THSD7A: variants seen among roughly 807,000 people sequenced by gnomAD.
The protein encoded by THSD7A is thrombospondin type 1 domain containing 7A.
A neutral mutation model predicts 231.3 loss-of-function variants in THSD7A; 96 were observed. That is an observed-to-expected ratio of 0.41 (90% CI 0.35 to 0.49). The LOEUF is 0.49. Ranked by LOEUF, THSD7A falls within the 20% of genes least tolerant of loss-of-function variation. THSD7A has a pLI of 0.05. For synonymous variants in THSD7A, 940 were observed against 743.3 expected, an observed-to-expected ratio of 1.26 and a Z score of -4.30; for missense variants, 2,290 against 2,070.2, an observed-to-expected ratio of 1.11 and a Z score of -2.06.
intron 1 of THSD7A, among the ~76,000 whole-genome samples, chr7:11,660,743 G>A (rs1354097705): frequency 2.0e-5 from 3 of 151,366 alleles, no homozygotes; most frequent in African/African-American, 7.3e-5. Flanking sequence ...ATGCAAACTT[G>A]TCATAACCAG....
intron 1 of THSD7A, among the ~76,000 whole-genome samples, chr7:11,751,954 C>T (rs554874042): frequency 6.6e-6 from 1 of 152,118 alleles, no homozygotes; most frequent in Non-Finnish European, 1.5e-5. Flanking sequence ...CAGCTTATAG[C>T]TGCAGCGAAC....
At position 11,744,612 on chromosome 7, in the gene THSD7A, G is replaced by A. The variant is rs1035408506; in HGVS notation, c.190+87145C>T. 2.9e-5 allele frequency among the ~76,000 whole-genome samples: 3 copies of A among 103,192 alleles called. No individual in the cohort carries two copies. The Admixed American group carries it at 4.2e-4, about 15-fold the overall frequency. 67.7% of individuals were successfully genotyped at this position (103,192 alleles called of 152,430 possible). A position where few individuals can be genotyped will look rare whatever the true frequency, so the allele number is the denominator to read the frequency against. ...CCCCCCTCCCCCCACCCCACAACAG[G>A]CCCCAGTGTGTGATGTTCCCATTCC... On this transcript the variant is annotated intron_variant, in intron 1 of 27. Coordinates refer to ENST00000423059, the MANE Select transcript of THSD7A (RefSeq NM_015204.3).
intron 1 of THSD7A, among the ~76,000 whole-genome samples, chr7:11,660,298 A>C (rs917133595): frequency 3.3e-5 from 5 of 151,536 alleles, no homozygotes; most frequent in Non-Finnish European, 7.4e-5. Context: ...AATTAGGTTA[A>C]GTAAGGAATA....
intron 1 of THSD7A, among the ~76,000 whole-genome samples, chr7:11,740,657 C>T (rs542833243): frequency 6.6e-6 from 1 of 151,974 alleles, no homozygotes; most frequent in African/African-American, 2.4e-5. Flanking sequence ...TCAAAAGTCA[C>T]CTTTTGAGAA....
At position 11,831,842 on chromosome 7, in the gene THSD7A, G is replaced by T; in HGVS notation, c.105C>A (p.Leu35=). ...CGCCCGGGCGTAGCAGCAGCAGCAGGAGCAGCGGCAGCGGCAGCGGCAGCG... is the reference window on the plus strand; with the variant it reads ...CGCCCGGGCGTAGCAGCAGCAGCAGTAGCAGCGGCAGCGGCAGCGGCAGCG... ...LLPLPLPLPL[L]LLLLLRPGAG... The change falls in exon 1 of 28, where the codon CTC becomes CTA. Residue 35 remains leucine, a synonymous_variant. Coordinates refer to ENST00000423059, the MANE Select transcript of THSD7A (RefSeq NM_015204.3). The surrounding 1 kb of genome is among the most constrained non-coding windows in gnomAD (Gnocchi z 5.0). 1.5e-6 allele frequency: 2 copies of T among 1,350,102 alleles called. No homozygotes were observed. The highest frequency in any genetic ancestry group is 1.9e-6 in the Non-Finnish European group (2 of 1,039,562). 83.6% of individuals were successfully genotyped at this position (1,350,102 alleles called of 1,614,324 possible). A position where few individuals can be genotyped will look rare whatever the true frequency, so the allele number is the denominator to read the frequency against.
intron 19 of THSD7A, among the ~76,000 whole-genome samples, chr7:11,410,031 C>A (rs993163139): frequency 6.6e-6 from 1 of 152,108 alleles, no homozygotes; most frequent in Non-Finnish European, 1.5e-5. Flanking sequence ...CTTGAGCCAC[C>A]CTACTCGGCT....
intron 4 of THSD7A, among the ~76,000 whole-genome samples, chr7:11,567,921 C>A (rs1158808690): frequency 8.5e-5 from 13 of 152,084 alleles, no homozygotes; most frequent in Non-Finnish European, 1.9e-4. Context: ...AACTATCTCA[C>A]CTAATTTTTT....
At chr7:11,403,612 A>T (rs1783484948) in intron 22 of THSD7A, among the ~76,000 whole-genome samples, 1 of 152,350 alleles carries the variant, frequency 6.6e-6, no homozygotes. Context: ...AATTACATGG[A>T]AAGAAAACAT....
At chr7:11,386,844 G>A (rs1003173670) in intron 23 of THSD7A, among the ~76,000 whole-genome samples, 7 of 152,158 alleles carry the variant, frequency 4.6e-5, no homozygotes, top group Non-Finnish European at 1.0e-4. Context: ...ACGGTTTTAG[G>A]TCTTGGGTTT....
At chr7:11,381,352 C>G (rs1360673849) in intron 24 of THSD7A, among the ~76,000 whole-genome samples, 1 of 152,114 alleles carries the variant, frequency 6.6e-6, no homozygotes, top group Non-Finnish European at 1.5e-5. Context: ...TGTATAAAAT[C>G]ATATCTTCAC....
At chr7:11,628,385 T>G (rs1358328946) in intron 2 of THSD7A, among the ~76,000 whole-genome samples, 1 of 152,198 alleles carries the variant, frequency 6.6e-6, no homozygotes, top group African/African-American at 2.4e-5. Context: ...CAATTCTCAG[T>G]GCCTTTGCTC....
At chr7:11,660,466 T>C (rs1562452336) in intron 1 of THSD7A, among the ~76,000 whole-genome samples, 1 of 151,490 alleles carries the variant, frequency 6.6e-6, no homozygotes, top group Non-Finnish European at 1.5e-5. Context: ...TTATGCCATA[T>C]TTTGATGTCA....
intron 1 of THSD7A, among the ~76,000 whole-genome samples, chr7:11,824,903 G>C (rs901191579): frequency 1.3e-5 from 2 of 152,020 alleles, no homozygotes; most frequent in Non-Finnish European, 2.9e-5. Context: ...AATACCCTGA[G>C]ATACAATAAT....
intron 1 of THSD7A, among the ~76,000 whole-genome samples, chr7:11,754,049 A>G (rs1355968710): frequency 6.6e-6 from 1 of 152,064 alleles, no homozygotes; most frequent in Non-Finnish European, 1.5e-5. Context: ...GAAGATACAT[A>G]AAGAAACTAG....
chr7:11,493,040 G>C (rs79423740), intron 6 of THSD7A, among the ~76,000 whole-genome samples: 7 of 152,098 alleles, frequency 4.6e-5, no homozygotes, highest in Non-Finnish European at 1.0e-4. Flanking sequence ...GGAACTCCCA[G>C]CCCATTTCAT....
In THSD7A at chr7:11,422,859, G is replaced by T. The variant is rs555398952; in HGVS notation, c.3383+1837C>A. 2.6e-5 allele frequency among the ~76,000 whole-genome samples: 4 copies of T among 152,182 alleles called. No individual in the cohort carries two copies. The East Asian group carries it at 5.8e-4, about 22-fold the overall frequency. On this transcript the variant is annotated intron_variant, in intron 16 of 27. Transcript: ENST00000423059. Reference sequence around the variant, plus strand: ...GTAGAGACAGGGTTTCACCATGTTGGCCAGGATGGTCTTGATTTCTTGACG... The same window carrying T: ...GTAGAGACAGGGTTTCACCATGTTGTCCAGGATGGTCTTGATTTCTTGACG...
chr7:11,547,907 T>G (rs896644616), intron 4 of THSD7A, among the ~76,000 whole-genome samples: 3 of 152,052 alleles, frequency 2.0e-5, no homozygotes, highest in Admixed American at 2.0e-4. Context: ...ATCAAAAAAT[T>G]AGAAAATTCT....
intron 1 of THSD7A, among the ~76,000 whole-genome samples, chr7:11,716,254 C>G (rs1214474566): frequency 6.6e-6 from 1 of 151,570 alleles, no homozygotes; most frequent in East Asian, 2.0e-4. Context: ...CCAACTCTCT[C>G]CACCCATCTT....
At chr7:11,578,442 C>A (rs1433514876) in intron 4 of THSD7A, among the ~76,000 whole-genome samples, 1 of 152,168 alleles carries the variant, frequency 6.6e-6, no homozygotes, top group East Asian at 1.9e-4. Context: ...AGGCATTTCT[C>A]TGTCTTTTTA....
Sources: gnomAD v4.1 joint callset for allele counts (sites outside exome capture counted in the v4.1 genomes callset) on GRCh38, gnomAD v4.1.1 for gene constraint, Gnocchi (gnomAD v3.1) non-coding constraint, MANE v1.5 for transcripts, NCBI Gene and HGNC (gene_info 2026-07-23, HGNC 2026-07-21) for gene names.